Variants in PDE7B observed in about 807,000 individuals in gnomAD.
The protein encoded by PDE7B is 3',5'-cyclic-AMP phosphodiesterase 7B.
A neutral mutation model predicts 56.2 loss-of-function variants in PDE7B; 29 were observed. The observed-to-expected ratio is 0.52, with a 90% confidence interval of 0.38 to 0.70. The LOEUF (loss-of-function observed/expected upper bound fraction) is 0.70. Among genes scored for constraint, PDE7B ranks in the 30% least tolerant of loss-of-function variants. The probability of loss-of-function intolerance (pLI) is 0.00; values close to 1 mark genes in which losing one functional copy is unlikely to be tolerated. For missense variants in PDE7B, 490 were observed against 565.0 expected, an observed-to-expected ratio of 0.87 and a Z score of 1.35; for synonymous variants, 197 against 196.9, an observed-to-expected ratio of 1.00 and a Z score of 0.00.
At chr6:136,167,879 A>T (rs1778820448) in intron 8 of PDE7B, among the ~76,000 whole-genome samples, 1 of 152,218 alleles carries the variant, frequency 6.6e-6, no homozygotes, top group Non-Finnish European at 1.5e-5. Context: ...GTAGTAAAAG[A>T]TAAAGAACTC....
At chr6:136,059,794 T>C (rs949435063) in intron 2 of PDE7B, among the ~76,000 whole-genome samples, 1 of 152,188 alleles carries the variant, frequency 6.6e-6, no homozygotes, top group African/African-American at 2.4e-5. Flanking sequence ...ATGGATTGCT[T>C]CCATAAGTAA....
chr6:136,061,385 C>T (rs1446643942), intron 2 of PDE7B, among the ~76,000 whole-genome samples: 1 of 152,086 alleles, frequency 6.6e-6, no homozygotes, highest in Non-Finnish European at 1.5e-5. Flanking sequence ...TTTGAATACT[C>T]ACAAAGAAAA....
At chr6:136,175,688 C>T (rs1446730133) in intron 9 of PDE7B, among the ~76,000 whole-genome samples, 1 of 152,062 alleles carries the variant, frequency 6.6e-6, no homozygotes, top group African/African-American at 2.4e-5. Context: ...ATGATTTTGT[C>T]AGCCGTATGG....
intron 3 of PDE7B, among the ~76,000 whole-genome samples, chr6:136,136,781 A>G (rs1778219550): frequency 1.3e-5 from 2 of 151,616 alleles, no homozygotes; most frequent in Non-Finnish European, 2.9e-5. Context: ...AGCAAAGGAC[A>G]GTGGCAGTGG....
chr6:136,089,344 T>C (rs1777345963), intron 2 of PDE7B, among the ~76,000 whole-genome samples: 1 of 152,192 alleles, frequency 6.6e-6, no homozygotes, highest in African/African-American at 2.4e-5. Context: ...AGTTCTTCTA[T>C]TTGAATTTAT....
At chr6:135,857,145 G>A (rs1330209772) in intron 1 of PDE7B, among the ~76,000 whole-genome samples, 1 of 151,114 alleles carries the variant, frequency 6.6e-6, no homozygotes. Context: ...GGAAAGAAGG[G>A]AAAAATAGAT....
At chr6:136,140,649 C>T (rs1445965304) in intron 3 of PDE7B, among the ~76,000 whole-genome samples, 2 of 152,096 alleles carry the variant, frequency 1.3e-5, no homozygotes, top group Non-Finnish European at 2.9e-5. Flanking sequence ...TTTCATTGAG[C>T]AGTGGTTTGT....
intron 2 of PDE7B, among the ~76,000 whole-genome samples, chr6:136,016,412 G>A (rs751605003): frequency 1.3e-4 from 20 of 152,146 alleles, no homozygotes; most frequent in African/African-American, 4.8e-4. Flanking sequence ...ACGTCTGAAG[G>A]ACCTAATGTT....
chr6:136,002,786 G>A (rs989350559), intron 2 of PDE7B, among the ~76,000 whole-genome samples: 1 of 152,028 alleles, frequency 6.6e-6, no homozygotes, highest in African/African-American at 2.4e-5. Flanking sequence ...ACATTAGACA[G>A]ATCAATGAGA....
intron 2 of PDE7B, among the ~76,000 whole-genome samples, chr6:135,991,291 A>G (rs1045279081): frequency 1.3e-5 from 2 of 152,098 alleles, no homozygotes; most frequent in African/African-American, 4.8e-5. Flanking sequence ...CCTACTCAAG[A>G]TGGAGTTGTT....
chr6:136,180,853 G>A (rs570256944), intron 10 of PDE7B, among the ~76,000 whole-genome samples: 114 of 152,318 alleles, frequency 7.5e-4, no homozygotes, highest in African/African-American at 1.1e-3. Context: ...TACTGTGAGA[G>A]TGAGGTCCAG....
At chr6:135,905,379 TGA>T (rs1025106783) in intron 1 of PDE7B, among the ~76,000 whole-genome samples, 2 of 148,800 alleles carry the variant, frequency 1.3e-5, no homozygotes, top group African/African-American at 5.0e-5. Context: ...TGTGTGTGTG[TGA>T]ATACATTTTT....
intron 1 of PDE7B, among the ~76,000 whole-genome samples, chr6:135,871,789 A>G (rs1775386043): frequency 6.6e-6 from 1 of 152,162 alleles, no homozygotes; most frequent in African/African-American, 2.4e-5. Flanking sequence ...ACACACACAC[A>G]CACACACATA....
At chr6:136,133,465 C>T (rs1185742671) in intron 3 of PDE7B, among the ~76,000 whole-genome samples, 2 of 152,098 alleles carry the variant, frequency 1.3e-5, no homozygotes, top group Admixed American at 1.3e-4. Context: ...GGGATCATCC[C>T]TGTTATCTGA....
chr6:136,183,072 CAAAAA>C (rs869296450), intron 11 of PDE7B, among the ~76,000 whole-genome samples: 1 of 50,532 alleles, frequency 2.0e-5, no homozygotes, highest in Non-Finnish European at 4.4e-5. Context: ...ACTCCGTCTC[CAAAAA>C]AAAAAAAAAA....
At chr6:136,106,851 A>G (rs904198480) in intron 2 of PDE7B, among the ~76,000 whole-genome samples, 6 of 152,340 alleles carry the variant, frequency 3.9e-5, no homozygotes, top group East Asian at 1.9e-4. Context: ...ATTAAAGTAC[A>G]TAAGTACATT....
intron 1 of PDE7B, among the ~76,000 whole-genome samples, chr6:135,900,568 T>C (rs1030040026): frequency 2.0e-5 from 3 of 152,268 alleles, no homozygotes; most frequent in South Asian, 2.1e-4. Context: ...TTGGTTTTCA[T>C]CCTGATTTTT....
At chr6:136,064,245 T>A (rs1361890846) in intron 2 of PDE7B, 2 of 152,196 alleles carry the variant, frequency 1.3e-5, no homozygotes, top group Non-Finnish European at 2.9e-5. Flanking sequence ...GCCAAACAAA[T>A]GCTTTGAGAG....
At chr6:135,883,638 G>T (rs956113223) in intron 1 of PDE7B, among the ~76,000 whole-genome samples, 4 of 152,182 alleles carry the variant, frequency 2.6e-5, no homozygotes, top group African/African-American at 9.6e-5. Context: ...TTCATCAAGT[G>T]CTCACATGTG....
Sources: gnomAD v4.1 joint callset for allele counts (sites outside exome capture counted in the v4.1 genomes callset) on GRCh38, gnomAD v4.1.1 for gene constraint, MANE v1.5 for transcripts, NCBI Gene and HGNC (gene_info 2026-07-23, HGNC 2026-07-21) for gene names.